Variants in PTH2R observed in about 807,000 individuals in gnomAD.
The protein encoded by PTH2R is PTH2 receptor.
In PTH2R, 59 loss-of-function variants were observed where a neutral mutation model predicts 60.3. The ratio of observed to expected loss-of-function variants is 0.98; its 90% CI spans 0.79 to 1.22. The LOEUF (loss-of-function observed/expected upper bound fraction) is 1.22. Ranked by LOEUF, PTH2R falls within the 50% of genes most tolerant of loss-of-function variation. The pLI, the probability that PTH2R is intolerant of heterozygous loss-of-function variation, is 0.00. For missense variants in PTH2R, 749 were observed against 682.6 expected (o/e 1.10, Z -1.08); for synonymous variants, 256 against 243.8 (o/e 1.05, Z -0.47).
intron 1 of PTH2R, among the ~76,000 whole-genome samples, chr2:208,386,106 A>G (rs984335107): frequency 1.3e-5 from 2 of 152,232 alleles, no homozygotes; most frequent in African/African-American, 4.8e-5. Flanking sequence ...AATTCATTCC[A>G]TATATCTGGC....
intron 2 of PTH2R, among the ~76,000 whole-genome samples, chr2:208,436,353 T>C (rs578217340): frequency 6.6e-6 from 1 of 152,324 alleles, no homozygotes; most frequent in East Asian, 1.9e-4. Context: ...TAAAAACTTA[T>C]GTTTTGATAA....
intron 9 of PTH2R, among the ~76,000 whole-genome samples, chr2:208,473,197 T>G (rs912391863): frequency 6.6e-6 from 1 of 152,168 alleles, no homozygotes; most frequent in Non-Finnish European, 1.5e-5. Flanking sequence ...GTGTCTTTCT[T>G]TGGGGGTAGG....
At chr2:208,490,763 C>T in intron 12 of PTH2R, 83 bp downstream of exon 12, 1 of 1,255,426 alleles carries the variant, frequency 8.0e-7, no homozygotes, top group East Asian at 2.5e-5. Flanking sequence ...TTTAGAATTT[C>T]CAGGATTTCC....
At chr2:208,417,746 G>A (rs1701670670) in intron 1 of PTH2R, among the ~76,000 whole-genome samples, 1 of 151,802 alleles carries the variant, frequency 6.6e-6, no homozygotes, top group African/African-American at 2.4e-5. Context: ...CTAACAGGAG[G>A]AGAACATCAT....
intron 9 of PTH2R, among the ~76,000 whole-genome samples, chr2:208,475,623 G>A (rs1235046810): frequency 1.3e-5 from 2 of 152,176 alleles, no homozygotes; most frequent in African/African-American, 4.8e-5. Flanking sequence ...CAACATTATT[G>A]CAGAGATTTT....
intron 9 of PTH2R, among the ~76,000 whole-genome samples, chr2:208,477,973 C>CTACTAGTAG (rs1553549506): frequency 2.2e-3 from 53 of 24,574 alleles, no homozygotes; most frequent in South Asian, 0.019. Context: ...AGTACTAGTA[C>CTACTAGTAG]TACTAGCACT....
intron 9 of PTH2R, among the ~76,000 whole-genome samples, chr2:208,465,549 C>T (rs1049657702): frequency 2.0e-5 from 3 of 148,414 alleles, no homozygotes; most frequent in Admixed American, 1.3e-4. Flanking sequence ...ATTACAGGCA[C>T]GTGCCACCAT....
rs778544116 is a variant in PTH2R at position 208,444,733 on chromosome 2, G to A, written c.700-1G>A. On this transcript the variant is annotated splice_acceptor_variant, in intron 6 of 12. Coordinates refer to ENST00000272847, the MANE Select transcript of PTH2R (RefSeq NM_005048.4). LOFTEE classifies it high-confidence loss of function. ...ATGAAATTCTGGTTTATTTGTAATAGATCGGGTGCAAGATTGCTGTTGTGA... is the reference window on the plus strand; with the variant it reads ...ATGAAATTCTGGTTTATTTGTAATAAATCGGGTGCAAGATTGCTGTTGTGA... 1 of 1,612,822 alleles carries A rather than the reference G, an allele frequency of 6.2e-7. No homozygotes were observed. Among genetic ancestry groups the A allele is most frequent in the Admixed American group, 1.7e-5 (1 of 59,928 alleles).
chr2:208,414,912 A>T (rs1043704469), intron 1 of PTH2R, among the ~76,000 whole-genome samples: 2 of 152,108 alleles, frequency 1.3e-5, no homozygotes, highest in African/African-American at 4.8e-5. Context: ...ATAAAAAAAA[A>T]CCCAGCTGTG....
intron 1 of PTH2R, among the ~76,000 whole-genome samples, chr2:208,426,850 G>A (rs890812350): frequency 3.3e-5 from 5 of 152,196 alleles, no homozygotes; most frequent in African/African-American, 7.2e-5. Flanking sequence ...TCATAGCAGT[G>A]TGAGAATGGA....
intron 7 of PTH2R, among the ~76,000 whole-genome samples, chr2:208,446,330 G>A (rs569049429): frequency 6.6e-6 from 1 of 152,226 alleles, no homozygotes; most frequent in African/African-American, 2.4e-5. Context: ...AGAATGTGAA[G>A]AAAAGCTAAG....
At chr2:208,366,653 G>C (rs1002576682) in intron 1 of PTH2R, among the ~76,000 whole-genome samples, 7 of 152,172 alleles carry the variant, frequency 4.6e-5, no homozygotes, top group African/African-American at 1.7e-4. Context: ...TTCTGTTAAT[G>C]TGCTGTACTG....
chr2:208,439,982 G>A (rs1702150196), intron 4 of PTH2R, among the ~76,000 whole-genome samples: 1 of 152,174 alleles, frequency 6.6e-6, no homozygotes, highest in South Asian at 2.1e-4. Context: ...TGAAGAACTG[G>A]TTAAATAAGC....
intron 7 of PTH2R, 125 bp downstream of exon 7, chr2:208,445,012 T>C (rs766258341): frequency 1.9e-5 from 19 of 1,022,114 alleles, no homozygotes; most frequent in Admixed American, 2.6e-5. Context: ...TTATTTTTTA[T>C]CTCCCTTTTA....
intron 1 of PTH2R, among the ~76,000 whole-genome samples, chr2:208,365,141 A>G (rs527885458): frequency 1.3e-5 from 2 of 151,782 alleles, no homozygotes; most frequent in Non-Finnish European, 2.9e-5. Context: ...TTTCTTCCCA[A>G]TTTGGATGCC....
intron 1 of PTH2R, among the ~76,000 whole-genome samples, chr2:208,374,633 G>C (rs1700760001): frequency 6.6e-6 from 1 of 152,000 alleles, no homozygotes; most frequent in Admixed American, 6.6e-5. Context: ...CTCCTGAGTA[G>C]CTGGGATTAC....
At chr2:208,378,893 G>C (rs780255742) in intron 1 of PTH2R, among the ~76,000 whole-genome samples, 9 of 152,142 alleles carry the variant, frequency 5.9e-5, no homozygotes, top group Non-Finnish European at 8.8e-5. Flanking sequence ...ACTTGTGTTA[G>C]ATATGGGAAT....
At chr2:208,369,633 C>T (rs1401166582) in intron 1 of PTH2R, among the ~76,000 whole-genome samples, 5 of 152,038 alleles carry the variant, frequency 3.3e-5, no homozygotes, top group Admixed American at 3.3e-4. Flanking sequence ...GCTGGGATTA[C>T]AAGCGTGAGC....
chr2:208,372,913 C>T (rs1303729451), intron 1 of PTH2R, among the ~76,000 whole-genome samples: 1 of 151,912 alleles, frequency 6.6e-6, no homozygotes, highest in African/African-American at 2.4e-5. Flanking sequence ...GGCAAAACCC[C>T]GTCTCCACCA....
Sources: allele counts gnomAD v4.1 joint callset (sites outside exome capture counted in the v4.1 genomes callset), GRCh38; gene constraint gnomAD v4.1.1; transcripts MANE v1.5; gene names NCBI Gene and HGNC (gene_info 2026-07-23, HGNC 2026-07-21).